The following CLTC variants were observed in gnomAD, a reference collection of about 807,000 sequenced individuals.
CLTC encodes clathrin heavy chain.
A neutral mutation model predicts 195.8 loss-of-function variants in CLTC; 16 were observed. The observed-to-expected ratio is 0.08, with a 90% confidence interval of 0.06 to 0.12. The LOEUF is 0.12. CLTC is among the 10% of genes least tolerant of loss of function. The pLI, the probability that CLTC is intolerant of heterozygous loss-of-function variation, is 1.00. For synonymous variants in CLTC, 667 were observed against 689.4 expected (o/e 0.97, Z 0.51); for missense variants, 796 against 2,027.0 (o/e 0.39, Z 11.66).
chr17:59,634,321 C>T lies in CLTC; in HGVS notation c.43-9955C>T, dbSNP rs114694149. The stretch of plus-strand genomic sequence containing the variant: ...TTTGTGCTGCTGAATTGCATTTATA[C>T]GGGGGGCATAATCTTGGTAAGTCAT... On this transcript the variant is annotated intron_variant, in intron 1 of 31. Transcript: ENST00000269122. 4.6e-3 allele frequency among the ~76,000 whole-genome samples: 706 copies of T among 152,128 alleles called. 8 individuals carry two copies. Among genetic ancestry groups the T allele is most frequent in the African/African-American group, 0.016 (672 of 41,484 alleles).
chr17:59,650,324 A>G (rs1462279893), intron 4 of CLTC, among the ~76,000 whole-genome samples: 1 of 152,182 alleles, frequency 6.6e-6, no homozygotes, highest in Non-Finnish European at 1.5e-5. Flanking sequence ...GTATATGTAT[A>G]GGTAGAGAAG....
At position 59,694,127 on chromosome 17, in the gene CLTC, T is replaced by A; in HGVS notation, c.*275T>A. 3.5e-6 allele frequency: 1 copy of A among 288,328 alleles called. No individual in the cohort carries two copies. The highest frequency in any genetic ancestry group is 7.3e-5 in the South Asian group (1 of 13,652). The allele number at this position is 288,328 out of a possible 1,614,324, so 17.9% of individuals were successfully genotyped here. On this transcript the variant is annotated 3_prime_UTR_variant, in exon 32 of 32. Coordinates refer to ENST00000269122, the MANE Select transcript of CLTC (RefSeq NM_004859.4). ...TCCCCCTCTTTCTTTAAAGAACTGC[T>A]CAATATTCAATCTGTTGTGAAGAAC...
intron 1 of CLTC, among the ~76,000 whole-genome samples, chr17:59,626,190 A>G (rs1598199016): frequency 6.6e-6 from 1 of 152,230 alleles, no homozygotes; most frequent in South Asian, 2.1e-4. Flanking sequence ...TCATGCTTCC[A>G]TTGATGAGTT....
chr17:59,646,187 C>T (rs973010521), intron 2 of CLTC, among the ~76,000 whole-genome samples: 1 of 152,126 alleles, frequency 6.6e-6, no homozygotes, highest in Non-Finnish European at 1.5e-5. Context: ...GACCACCCCA[C>T]TTATGTATAT....
chr17:59,657,245 G>A (rs1005072506), intron 6 of CLTC, among the ~76,000 whole-genome samples: 2 of 152,082 alleles, frequency 1.3e-5, no homozygotes, highest in African/African-American at 2.4e-5. Context: ...CTCCAGACCT[G>A]GTTAGGTGCT....
intron 1 of CLTC, among the ~76,000 whole-genome samples, chr17:59,639,546 C>T (rs1382618330): frequency 6.6e-6 from 1 of 152,122 alleles, no homozygotes; most frequent in Non-Finnish European, 1.5e-5. Flanking sequence ...TAAAATGTAG[C>T]TGTAGTTTGG....
Position 59,660,482 on chromosome 17 carries a change from G to A in CLTC, c.1061G>A (p.Arg354His), listed in dbSNP as rs747997399. The change falls in exon 7 of 32, where the codon CGT (arginine) becomes CAT (histidine). Residue 354 changes from arginine (R) to histidine (H), a missense_variant. By Grantham distance (29) the Arg-to-His change is conservative. Coordinates refer to ENST00000269122, the MANE Select transcript of CLTC (RefSeq NM_004859.4). The stretch of plus-strand genomic sequence containing the variant: ...GATTTGGCTCTGAGAATGGCTGTAC[G>A]TAATAACTTAGCCGGTGCTGAAGAA... ...NPDLALRMAV[R>H]NNLAGAEELF... 3 of 1,613,942 alleles carry A rather than the reference G, an allele frequency of 1.9e-6. No individual in the cohort carries two copies. The highest frequency in any genetic ancestry group is 2.2e-5 in the East Asian group (1 of 44,874).
In CLTC at chr17:59,661,505, A is replaced by G; in HGVS notation, c.1230A>G (p.Gln410=). The change falls in exon 8 of 32, where the codon CAA becomes CAG. Residue 410 remains glutamine (Q), a synonymous_variant. Transcript: ENST00000269122. ...AGAGTGTCCCAGCCCAGCCAGGTCA[A>G]ACTTCTCCTCTACTTCAGTACTTTG... ...RFQSVPAQPG[Q]TSPLLQYFGI... is the part of the protein sequence containing the mutation. The G allele has an allele frequency of 1.2e-6, 2 of 1,614,166 alleles. No homozygotes were observed. Among genetic ancestry groups the G allele is most frequent in the Non-Finnish European group, 1.7e-6 (2 of 1,179,992 alleles).
intron 31 of CLTC, among the ~76,000 whole-genome samples, chr17:59,692,178 A>G (rs537708108): frequency 6.2e-4 from 95 of 152,200 alleles, no homozygotes; most frequent in Non-Finnish European, 1.1e-3. Flanking sequence ...TTGGCTGGGC[A>G]TGGTGGCATG....
intron 18 of CLTC, 55 bp from the exon 19 acceptor site, chr17:59,680,857 G>C: frequency 1.4e-6 from 2 of 1,443,982 alleles, no homozygotes; most frequent in Non-Finnish European, 1.9e-6. Flanking sequence ...GCCAACTTAC[G>C]CTTTTTTAAA....
intron 30 of CLTC, among the ~76,000 whole-genome samples, chr17:59,688,653 G>A (rs994737533): frequency 2.0e-5 from 3 of 151,970 alleles, no homozygotes; most frequent in Non-Finnish European, 2.9e-5. Context: ...TTCCCCCTAC[G>A]CCCAAACTTC....
chr17:59,631,257 A>C (rs138287828), intron 1 of CLTC, among the ~76,000 whole-genome samples: 61 of 152,304 alleles, frequency 4.0e-4, no homozygotes, highest in African/African-American at 1.4e-3. Flanking sequence ...TGTGCTAGGC[A>C]TACATCCCTG....
chr17:59,622,949 G>A (rs191918523), intron 1 of CLTC, among the ~76,000 whole-genome samples: 12 of 152,274 alleles, frequency 7.9e-5, no homozygotes, highest in Admixed American at 2.6e-4. Context: ...TTCCTAGACT[G>A]TTTAGACTGA....
At chr17:59,631,036 T>G (rs190774143) in intron 1 of CLTC, among the ~76,000 whole-genome samples, 2 of 152,356 alleles carry the variant, frequency 1.3e-5, no homozygotes, top group Admixed American at 1.3e-4. Context: ...ATATGAGAGT[T>G]CCATTTTCTT....
chr17:59,681,451 A>G lies in CLTC; in HGVS notation c.3222A>G (p.Lys1074=). The G allele has an allele frequency of 1.2e-6, 2 of 1,614,056 alleles. No individual in the cohort carries two copies. The highest frequency in any genetic ancestry group is 1.7e-6 in the Non-Finnish European group (2 of 1,179,978). The change falls in exon 20 of 32, where the codon AAA becomes AAG. Residue 1074 remains lysine, a synonymous_variant. Transcript: ENST00000269122. This position sits in a 1 kb window ranked among gnomAD's most constrained non-coding sequence, Gnocchi z 5.0. ...LFEEAFAIFR[K]FDVNTSAVQV... The stretch of plus-strand genomic sequence containing the variant: ...AAGAAGCATTTGCCATTTTCCGGAA[A>G]TTTGATGTCAATACTTCAGCAGTTC...
intron 1 of CLTC, among the ~76,000 whole-genome samples, chr17:59,629,250 T>G (rs995042302): frequency 6.6e-6 from 1 of 152,200 alleles, no homozygotes. Context: ...ACCACAGATA[T>G]CCTCAGGAAA....
chr17:59,654,594 C>T (rs2032418064), intron 5 of CLTC, among the ~76,000 whole-genome samples: 1 of 152,216 alleles, frequency 6.6e-6, no homozygotes, highest in Middle Eastern at 3.2e-3. Context: ...ATTCTCCTGC[C>T]TCAGCCTCCC....
chr17:59,677,393 G>A (rs1179959451), intron 17 of CLTC, among the ~76,000 whole-genome samples: 1 of 152,106 alleles, frequency 6.6e-6, no homozygotes, highest in Non-Finnish European at 1.5e-5. Flanking sequence ...ACTTGCTAAT[G>A]TTTTAACCCC....
intron 1 of CLTC, among the ~76,000 whole-genome samples, chr17:59,643,955 C>G (rs1301592251): frequency 6.6e-6 from 1 of 152,138 alleles, no homozygotes; most frequent in East Asian, 1.9e-4. Flanking sequence ...TCCAATAGTT[C>G]CAAGGTCTTA....
Sources: allele counts gnomAD v4.1 joint callset (sites outside exome capture counted in the v4.1 genomes callset), GRCh38; gene constraint gnomAD v4.1.1; non-coding constraint Gnocchi (gnomAD v3.1); transcripts MANE v1.5; gene names NCBI Gene and HGNC (gene_info 2026-07-23, HGNC 2026-07-21).